PRKDC: variants seen among roughly 807,000 people sequenced by gnomAD.
PRKDC encodes the protein DNA-dependent protein kinase catalytic subunit.
Under a neutral mutation model 486.9 loss-of-function variants are expected in PRKDC, and 82 were observed. The ratio of observed to expected loss-of-function variants is 0.17; its 90% CI spans 0.14 to 0.20. The LOEUF is 0.20. Among genes scored for constraint, PRKDC ranks in the 10% least tolerant of loss-of-function variants. The probability of loss-of-function intolerance (pLI) is 1.00; values close to 1 mark genes in which losing one functional copy is unlikely to be tolerated. For synonymous variants in PRKDC, 1,895 were observed against 1,837.0 expected, an observed-to-expected ratio of 1.03 and a Z score of -0.81; for missense variants, 4,504 against 5,038.2, an observed-to-expected ratio of 0.89 and a Z score of 3.21.
Position 47,913,890 on chromosome 8 carries a change from A to C in PRKDC, c.2781+11T>G. ...GATCTAAATAATGGGTGAAATGAAA[A>C]ATAGAAGTACTTTAGTTTGTCTGTC... On this transcript the variant is annotated intron_variant, in intron 24 of 85. Transcript: ENST00000314191. 6 of 1,588,956 alleles carry C rather than the reference A, an allele frequency of 3.8e-6. No homozygotes were observed. The highest frequency in any genetic ancestry group is 5.1e-6 in the Non-Finnish European group (6 of 1,168,886).
At chr8:47,893,669 A>G (rs954638340) in intron 30 of PRKDC, among the ~76,000 whole-genome samples, 1 of 152,194 alleles carries the variant, frequency 6.6e-6, no homozygotes, top group Admixed American at 6.5e-5. Context: ...TTTAAGTCAC[A>G]AAACAGCATT....
chr8:47,806,494 CA>C (rs957432047), intron 69 of PRKDC, among the ~76,000 whole-genome samples: 9 of 152,076 alleles, frequency 5.9e-5, no homozygotes, highest in African/African-American at 2.2e-4. Flanking sequence ...TTTAAAGCTA[CA>C]AAAAAGAAGT....
intron 7 of PRKDC, among the ~76,000 whole-genome samples, chr8:47,945,366 T>C (rs1024993246): frequency 6.6e-5 from 10 of 152,214 alleles, no homozygotes; most frequent in African/African-American, 2.2e-4. Context: ...CAAAATGTTT[T>C]CACCATCAAT....
chr8:47,880,327 G>A (rs935134168), intron 38 of PRKDC, among the ~76,000 whole-genome samples: 3 of 152,214 alleles, frequency 2.0e-5, no homozygotes, highest in African/African-American at 7.2e-5. Context: ...CTAAGGAGGA[G>A]TTTACAACTA....
intron 11 of PRKDC, 112 bp downstream of exon 11, chr8:47,939,439 G>C: frequency 8.2e-7 from 1 of 1,217,772 alleles, no homozygotes. Flanking sequence ...TGTTATTCAA[G>C]GGTCTACTGT....
At chr8:47,923,133 G>T (rs554351374) in intron 21 of PRKDC, among the ~76,000 whole-genome samples, 1 of 150,736 alleles carries the variant, frequency 6.6e-6, no homozygotes, top group Admixed American at 6.6e-5. Flanking sequence ...GCGTGATCTC[G>T]GCTCACTGCA....
At chr8:47,811,481 A>G (rs531098653) in intron 68 of PRKDC, among the ~76,000 whole-genome samples, 20 of 152,378 alleles carry the variant, frequency 1.3e-4, no homozygotes, top group African/African-American at 4.8e-4. Context: ...AATGATGAGT[A>G]CAGTGTGGTA....
At chr8:47,890,575 C>T (rs753618595) in intron 31 of PRKDC, 95 bp from the exon 32 acceptor site, 10 of 902,922 alleles carry the variant, frequency 1.1e-5, no homozygotes, top group South Asian at 2.1e-5. Context: ...GCATGGTATA[C>T]GTTCAGCAAA....
chr8:47,835,858 GC>G (rs2088009864), intron 58 of PRKDC, among the ~76,000 whole-genome samples: 1 of 151,762 alleles, frequency 6.6e-6, no homozygotes, highest in South Asian at 2.1e-4. Flanking sequence ...GAACTTCTGG[GC>G]TCGAGCCATT....
intron 9 of PRKDC, 23 bp downstream of exon 9, chr8:47,943,830 C>G: frequency 6.5e-7 from 1 of 1,542,730 alleles, no homozygotes; most frequent in Non-Finnish European, 8.8e-7. Context: ...AAATATTATA[C>G]CTCATTATAA....
In PRKDC at chr8:47,773,796, G is replaced by C. The variant is rs2086560090; in HGVS notation, c.*377C>G. 4.1e-6 allele frequency: 1 copy of C among 245,422 alleles called. No individual in the cohort carries two copies. Among genetic ancestry groups the C allele is most frequent in the Non-Finnish European group, 7.9e-6 (1 of 125,862 alleles). 15.2% of individuals were successfully genotyped at this position (245,422 alleles called of 1,614,324 possible). On this transcript the variant is annotated 3_prime_UTR_variant, in exon 86 of 86. Transcript: ENST00000314191. Reference sequence around the variant, plus strand: ...TCTGAGTGTGCTTTCCAATGTGCCAGAACCAGAAGGGCATTCCAAGGCTTC... The same window carrying C: ...TCTGAGTGTGCTTTCCAATGTGCCACAACCAGAAGGGCATTCCAAGGCTTC...
intron 14 of PRKDC, 123 bp downstream of exon 14, chr8:47,934,886 G>T: frequency 3.1e-6 from 2 of 648,048 alleles, no homozygotes; most frequent in Non-Finnish European, 5.3e-6. Flanking sequence ...CAAAATGTAA[G>T]GCATTGCTAA....
intron 22 of PRKDC, 135 bp from the exon 23 acceptor site, chr8:47,915,553 T>C: frequency 1.8e-6 from 1 of 560,236 alleles, no homozygotes. Context: ...TTTGGCAGGA[T>C]CCTTTCCACT....
At chr8:47,901,274 G>A (rs2089677808) in intron 27 of PRKDC, among the ~76,000 whole-genome samples, 1 of 152,120 alleles carries the variant, frequency 6.6e-6, no homozygotes, top group South Asian at 2.1e-4. Context: ...AGGAGTTCAA[G>A]ACCAGCTTGA....
At chr8:47,902,166 AC>A (rs961429165) in intron 27 of PRKDC, among the ~76,000 whole-genome samples, 1 of 149,606 alleles carries the variant, frequency 6.7e-6, no homozygotes, top group Non-Finnish European at 1.5e-5. Context: ...TCTTATCTCT[AC>A]CCCCCCACCA....
At chr8:47,901,786 T>C (rs571311880) in intron 27 of PRKDC, among the ~76,000 whole-genome samples, 3 of 152,268 alleles carry the variant, frequency 2.0e-5, no homozygotes, top group African/African-American at 7.2e-5. Context: ...CAGGGGTACA[T>C]GTGCAGGATG....
rs1016778249 is a variant in PRKDC, at chr8:47,944,176, G to T, written c.722-147C>A. On this transcript the variant is annotated intron_variant, in intron 7 of 85. Transcript: ENST00000314191. ...TTCATCATTCCATCCAGCTAAAGTT[G>T]CAAGTTATTACTGCTGCACGGTTAT... 5.4e-6 allele frequency: 4 copies of T among 735,590 alleles called. No individual in the cohort carries two copies. The East Asian group carries it at 1.1e-4, about 20-fold the overall frequency. The allele number at this position is 735,590 out of a possible 1,614,324, so 45.6% of individuals were successfully genotyped here.
chr8:47,944,914 A>C (rs2090506189), intron 7 of PRKDC, among the ~76,000 whole-genome samples: 1 of 152,210 alleles, frequency 6.6e-6, no homozygotes, highest in East Asian at 1.9e-4. Flanking sequence ...TGGTGGCATA[A>C]ATGAGATACA....
In PRKDC at chr8:47,778,745, C is replaced by T; in HGVS notation, c.11634G>A (p.Val3878=). Reference sequence around the variant, plus strand: ...GTACTTACTTTAAGAGATCAGCAGGCACTTTACTTTCTCGTTTTCTAAAAG... The same window carrying T: ...GTACTTACTTTAAGAGATCAGCAGGTACTTTACTTTCTCGTTTTCTAAAAG... ...VTSFRKRESK[V]PADLLKRAFV... The change falls in exon 82 of 86, where the codon GTG becomes GTA. Residue 3878 remains valine, a synonymous_variant. Coordinates refer to ENST00000314191, the MANE Select transcript of PRKDC (RefSeq NM_006904.7). The T allele has an allele frequency of 4.3e-6, 7 of 1,613,824 alleles. No homozygotes were observed. Among genetic ancestry groups the T allele is most frequent in the Non-Finnish European group, 5.9e-6 (7 of 1,179,798 alleles).
Sources: gnomAD v4.1 joint callset for allele counts (sites outside exome capture counted in the v4.1 genomes callset) on GRCh38, gnomAD v4.1.1 for gene constraint, MANE v1.5 for transcripts, NCBI Gene and HGNC (gene_info 2026-07-23, HGNC 2026-07-21) for gene names.